PIP5K1C: variants seen among roughly 807,000 people sequenced by gnomAD.
The protein encoded by PIP5K1C is phosphatidylinositol-4-phosphate 5-kinase type 1 gamma, also known as phosphatidylinositol 4-phosphate 5-kinase type-1 gamma.
In PIP5K1C, 45 loss-of-function variants were observed where a neutral mutation model predicts 80.1. That is an observed-to-expected ratio of 0.56 (90% CI 0.44 to 0.72). The LOEUF (loss-of-function observed/expected upper bound fraction) is 0.72, where lower values mean the gene tolerates loss of function less well. Among genes scored for constraint, PIP5K1C ranks in the 30% least tolerant of loss-of-function variants. PIP5K1C has a pLI of 0.00. For missense variants in PIP5K1C, 753 were observed against 954.6 expected (o/e 0.79, Z 2.78); for synonymous variants, 498 against 420.1 (o/e 1.19, Z -2.27).
intron 1 of PIP5K1C, among the ~76,000 whole-genome samples, chr19:3,676,960 G>A (rs2145553764): frequency 6.6e-6 from 1 of 152,152 alleles, no homozygotes; most frequent in Non-Finnish European, 1.5e-5. Context: ...ATATTAGCCA[G>A]GAGTGGTGGT....
chr19:3,663,062 C>T (rs1040949051), intron 3 of PIP5K1C, among the ~76,000 whole-genome samples: 7 of 152,070 alleles, frequency 4.6e-5, no homozygotes, highest in African/African-American at 7.2e-5. Flanking sequence ...GACAAGGTTG[C>T]GCCATGTTGC....
At chr19:3,647,415 T>C in intron 9 of PIP5K1C, 29 bp from the exon 10 acceptor site, 1 of 1,565,354 alleles carries the variant, frequency 6.4e-7, no homozygotes, top group Admixed American at 1.8e-5. Flanking sequence ...GAGTGGCAGC[T>C]GACATCAGCC....
intron 5 of PIP5K1C, among the ~76,000 whole-genome samples, chr19:3,660,601 T>C (rs2145482102): frequency 6.6e-6 from 1 of 152,300 alleles, no homozygotes; most frequent in East Asian, 1.9e-4. Context: ...CAGTGCCTTG[T>C]TCTAACCCTT....
chr19:3,672,171 C>T (rs1369941144), intron 1 of PIP5K1C, among the ~76,000 whole-genome samples: 1 of 152,098 alleles, frequency 6.6e-6, no homozygotes, highest in East Asian at 1.9e-4. Flanking sequence ...GAGCCTCAGT[C>T]TCTCTCTATA....
intron 1 of PIP5K1C, among the ~76,000 whole-genome samples, chr19:3,699,745 T>C (rs1043591934): frequency 3.8e-4 from 57 of 151,944 alleles, no homozygotes; most frequent in African/African-American, 1.4e-3. Context: ...CAGTGTGTCC[T>C]GGGGGAAGGC....
chr19:3,661,206 T>C (rs2034822652), intron 4 of PIP5K1C, 123 bp from the exon 5 acceptor site: 1 of 650,310 alleles, frequency 1.5e-6, no homozygotes, highest in African/African-American at 1.8e-5. Context: ...CAAGACTTCC[T>C]TGAAACGGCC....
chr19:3,668,198 G>A (rs933759491), intron 1 of PIP5K1C, among the ~76,000 whole-genome samples: 1 of 152,106 alleles, frequency 6.6e-6, no homozygotes, highest in East Asian at 1.9e-4. Flanking sequence ...AGGCTGGGAC[G>A]AGGGGAGCAG....
intron 2 of PIP5K1C, 51 bp from the exon 3 acceptor site, chr19:3,664,965 G>C (rs754948100): frequency 7.1e-7 from 1 of 1,401,272 alleles, no homozygotes; most frequent in South Asian, 1.1e-5. Context: ...ACGCCCACCG[G>C]GACAGGGCAC....
intron 2 of PIP5K1C, 37 bp from the exon 3 acceptor site, chr19:3,664,951 G>T: frequency 6.6e-7 from 1 of 1,511,120 alleles, no homozygotes; most frequent in South Asian, 1.1e-5. Flanking sequence ...ACTCCCTAAG[G>T]AGCACGCCCA....
At chr19:3,698,286 G>A (rs2036188576) in intron 1 of PIP5K1C, among the ~76,000 whole-genome samples, 1 of 152,330 alleles carries the variant, frequency 6.6e-6, no homozygotes, top group East Asian at 1.9e-4. Context: ...TAGCACACAC[G>A]GTCATCACCC....
Position 3,646,064 on chromosome 19 carries a change from A to C in PIP5K1C, c.1261-6T>G, listed in dbSNP as rs2034200036. ...CGGTGGACGGACACCGTGTCCTGGA[A>C]GAGAGTTGGGGGGGGTGCCCGGGGG... On this transcript the variant is annotated splice_polypyrimidine_tract_variant and splice_region_variant and intron_variant, in intron 10 of 17. Transcript: ENST00000335312. 2.6e-6 allele frequency: 4 copies of C among 1,554,786 alleles called. No homozygotes were observed. The highest frequency in any genetic ancestry group is 2.4e-5 in the East Asian group (1 of 41,470).
At chr19:3,644,365 C>A (rs996562105) in intron 11 of PIP5K1C, 114 bp from the exon 12 acceptor site, 3 of 1,077,868 alleles carry the variant, frequency 2.8e-6, no homozygotes, top group African/African-American at 1.6e-5. Flanking sequence ...AGACCCCTAC[C>A]GGTCCCTGAG....
chr19:3,687,544 T>TGCACACATGCACAC (rs2035799157), intron 1 of PIP5K1C, among the ~76,000 whole-genome samples: 1 of 146,146 alleles, frequency 6.8e-6, no homozygotes, highest in South Asian at 2.2e-4. Context: ...CACACATACA[T>TGCACACATGCACAC]GCACACATGC....
intron 3 of PIP5K1C, 123 bp from the exon 4 acceptor site, chr19:3,662,124 C>T: frequency 8.0e-7 from 1 of 1,244,798 alleles, no homozygotes; most frequent in East Asian, 2.6e-5. Flanking sequence ...CTGCCAACCC[C>T]CTCCTGGTGG....
At chr19:3,644,550 G>T (rs2034130233) in intron 11 of PIP5K1C, among the ~76,000 whole-genome samples, 1 of 152,208 alleles carries the variant, frequency 6.6e-6, no homozygotes, top group African/African-American at 2.4e-5. Context: ...TAATGAGCTG[G>T]CCAGGGATGC....
At chr19:3,663,264 C>G (rs560052850) in intron 3 of PIP5K1C, among the ~76,000 whole-genome samples, 1 of 152,234 alleles carries the variant, frequency 6.6e-6, no homozygotes, top group Admixed American at 6.5e-5. Flanking sequence ...CTCATACCTC[C>G]GCTCTCTAAT....
rs1352328237 is a variant in PIP5K1C at position 3,631,943 on chromosome 19, GC to G, written c.*1223del. 1 of 152,220 alleles carries G rather than the reference GC, an allele frequency of 6.6e-6. No homozygotes were observed. The highest frequency in any genetic ancestry group is 2.4e-5 in the African/African-American group (1 of 41,440). 9.4% of individuals were successfully genotyped at this position (152,220 alleles called of 1,614,324 possible). A position where few individuals can be genotyped will look rare whatever the true frequency, so the allele number is the denominator to read the frequency against. ...GGATTCCCACAGCCATCACCAATAA[GC>G]CCCTCTCAGGGGTCCTGGGGAAGGG... On this transcript the variant is annotated 3_prime_UTR_variant, in exon 18 of 18. Coordinates refer to ENST00000335312, the MANE Select transcript of PIP5K1C (RefSeq NM_012398.3).
chr19:3,670,877 A>G (rs1437022009), intron 1 of PIP5K1C, among the ~76,000 whole-genome samples: 1 of 152,052 alleles, frequency 6.6e-6, no homozygotes, highest in Non-Finnish European at 1.5e-5. Context: ...CGGTGAAGGG[A>G]AAGACGGGCT....
At chr19:3,691,593 T>TAACCCGCCTGGCCCATCCCTTCC (rs372532896) in intron 1 of PIP5K1C, among the ~76,000 whole-genome samples, 1 of 151,962 alleles carries the variant, frequency 6.6e-6, no homozygotes, top group African/African-American at 2.4e-5. Flanking sequence ...CCAGCCCATC[T>TAACCCGCCTGGCCCATCCCTTCC]ACCCCGCCTG....
Sources: allele counts gnomAD v4.1 joint callset (sites outside exome capture counted in the v4.1 genomes callset), GRCh38; gene constraint gnomAD v4.1.1; transcripts MANE v1.5; gene names NCBI Gene and HGNC (gene_info 2026-07-23, HGNC 2026-07-21).